CRPPA: variants seen among roughly 807,000 people sequenced by gnomAD.
The protein encoded by CRPPA is D-ribitol-5-phosphate cytidylyltransferase.
In CRPPA, 43 loss-of-function variants were observed where a neutral mutation model predicts 52.0. The observed-to-expected ratio is 0.83, with a 90% CI of 0.65 to 1.07. The LOEUF (loss-of-function observed/expected upper bound fraction) is 1.07, where lower values mean the gene tolerates loss of function less well. Among genes scored for constraint, CRPPA ranks in the 50% least tolerant of loss-of-function variants. CRPPA has a pLI of 0.00. For synonymous variants in CRPPA, 250 were observed against 203.5 expected (o/e 1.23, Z -1.94); for missense variants, 629 against 551.7 (o/e 1.14, Z -1.40).
chr7:16,316,164 T>C (rs781400686), intron 3 of CRPPA, among the ~76,000 whole-genome samples: 24 of 151,958 alleles, frequency 1.6e-4, no homozygotes, highest in Non-Finnish European at 3.5e-4. Context: ...AGGGAGTTGC[T>C]AGGACAGTGG....
At chr7:16,130,313 A>T (rs1259248398) in intron 9 of CRPPA, among the ~76,000 whole-genome samples, 1 of 152,228 alleles carries the variant, frequency 6.6e-6, no homozygotes, top group East Asian at 1.9e-4. Context: ...TAAAGTCTCC[A>T]GAAAATCTTT....
intron 9 of CRPPA, among the ~76,000 whole-genome samples, chr7:16,113,305 C>G (rs542025497): frequency 1.3e-5 from 2 of 151,742 alleles, no homozygotes; most frequent in East Asian, 1.9e-4. Context: ...AAATGGAAAA[C>G]AGAGTAGGAA....
chr7:16,382,718 C>T (rs938507356), intron 2 of CRPPA, among the ~76,000 whole-genome samples: 1 of 151,860 alleles, frequency 6.6e-6, no homozygotes, highest in African/African-American at 2.4e-5. Flanking sequence ...TCTAAACTTC[C>T]CTTCTGGCTT....
intron 6 of CRPPA, chr7:16,266,350 A>G (rs543808926): frequency 3.6e-4 from 55 of 152,184 alleles, no homozygotes; most frequent in African/African-American, 1.3e-3. Context: ...CACTGTTAAA[A>G]CTCATGTTGA....
chr7:16,377,896 A>G (rs1012225620), intron 2 of CRPPA, among the ~76,000 whole-genome samples: 1 of 151,940 alleles, frequency 6.6e-6, no homozygotes, highest in Admixed American at 6.6e-5. Context: ...CATAGTTCCC[A>G]CCCATGCCCC....
At chr7:16,302,894 C>G (rs1784820782) in intron 4 of CRPPA, among the ~76,000 whole-genome samples, 1 of 152,054 alleles carries the variant, frequency 6.6e-6, no homozygotes, top group Non-Finnish European at 1.5e-5. Context: ...GACTACTGAT[C>G]ATGCTAACAG....
In CRPPA at chr7:16,406,237, C is replaced by A; in HGVS notation, c.358G>T (p.Val120Phe). ...QKYQHKRISL[V>F]EAGVTRHRSI... ...CTGTGGCGGGTCACTCCAGCTTCGA[C>A]CAGTGAGATGCGTTTATGCTGATAC... The change falls in exon 2 of 10, where the codon GTC becomes TTC. Residue 120 changes from valine (V) to phenylalanine (F), a missense_variant. Coordinates refer to ENST00000407010, the MANE Select transcript of CRPPA (RefSeq NM_001101426.4). 6.2e-7 allele frequency: 1 copy of A among 1,613,946 alleles called. No individual in the cohort carries two copies. Among genetic ancestry groups the A allele is most frequent in the Non-Finnish European group, 8.5e-7 (1 of 1,179,870 alleles).
At position 16,221,065 on chromosome 7, in the gene CRPPA, C is replaced by T. The variant is rs574238728; in HGVS notation, c.1120-4868G>A. 2.0e-5 allele frequency among the ~76,000 whole-genome samples: 3 copies of T among 152,238 alleles called. No homozygotes were observed. In the East Asian group the frequency reaches 5.8e-4, roughly 29 times the overall value. On this transcript the variant is annotated intron_variant, in intron 8 of 9. Coordinates refer to ENST00000407010, the MANE Select transcript of CRPPA (RefSeq NM_001101426.4). ...AACTATACTACAAGGCTACAGTAACCAAAACAGCATGGTACTGGTACCAAA... is the reference window on the plus strand; with the variant it reads ...AACTATACTACAAGGCTACAGTAACTAAAACAGCATGGTACTGGTACCAAA...
chr7:16,380,734 G>A lies in CRPPA; in HGVS notation c.535-4493C>T, dbSNP rs556751139. Among the ~76,000 whole-genome samples the A allele has an allele frequency of 1.2e-4, 19 of 152,214 alleles. No individual in the cohort carries two copies. The South Asian group carries it at 1.5e-3, about 12-fold the overall frequency. ...TTAGACTTGGGAGGGTGTATGTGTC[G>A]AGGAATTTATCCATTTCTTCTAGAT... On this transcript the variant is annotated intron_variant, in intron 2 of 9. Coordinates refer to ENST00000407010, the MANE Select transcript of CRPPA (RefSeq NM_001101426.4).
chr7:16,342,911 G>A (rs933607635), intron 3 of CRPPA, among the ~76,000 whole-genome samples: 2 of 114,428 alleles, frequency 1.7e-5, no homozygotes, highest in African/African-American at 3.3e-5. Flanking sequence ...ATCGTAGTAC[G>A]TGCCTGTAGT....
intron 3 of CRPPA, among the ~76,000 whole-genome samples, chr7:16,338,620 G>T (rs1018556605): frequency 1.3e-4 from 19 of 151,460 alleles, no homozygotes; most frequent in African/African-American, 4.1e-4. Flanking sequence ...TGATAAAGGA[G>T]AATTATAAAC....
chr7:16,356,563 T>G (rs1408797526), intron 3 of CRPPA, among the ~76,000 whole-genome samples: 1 of 152,212 alleles, frequency 6.6e-6, no homozygotes, highest in African/African-American at 2.4e-5. Context: ...TTTGTTCTCT[T>G]TGAACGCTGC....
intron 8 of CRPPA, among the ~76,000 whole-genome samples, chr7:16,236,726 G>A (rs527557822): frequency 6.6e-6 from 1 of 151,932 alleles, no homozygotes; most frequent in African/African-American, 2.4e-5. Context: ...GTTTTTTTCT[G>A]TTTTTATTTT....
chr7:16,387,822 C>A (rs1416379088), intron 2 of CRPPA, among the ~76,000 whole-genome samples: 1 of 152,106 alleles, frequency 6.6e-6, no homozygotes, highest in African/African-American at 2.4e-5. Context: ...ACATACCACC[C>A]AACAACAGCA....
rs755004331 is a variant in CRPPA at position 16,172,487 on chromosome 7, G to A, written c.1251+43579C>T. 1.3e-5 allele frequency among the ~76,000 whole-genome samples: 2 copies of A among 152,152 alleles called. 1 individual carries two copies. Among genetic ancestry groups the A allele is most frequent in the Non-Finnish European group, 2.9e-5 (2 of 68,034 alleles). Reference sequence around the variant, plus strand: ...CCAATCAGCCAAGAATATGAGCCTTGAAGAGACAACATTTGGTTATATGTC... The same window carrying A: ...CCAATCAGCCAAGAATATGAGCCTTAAAGAGACAACATTTGGTTATATGTC... On this transcript the variant is annotated intron_variant, in intron 9 of 9. Coordinates refer to ENST00000407010, the MANE Select transcript of CRPPA (RefSeq NM_001101426.4).
chr7:16,248,359 C>G (rs1291850013), intron 8 of CRPPA, among the ~76,000 whole-genome samples: 1 of 151,940 alleles, frequency 6.6e-6, no homozygotes, highest in East Asian at 1.9e-4. Flanking sequence ...TATAAGAGAG[C>G]CTATGTGCCT....
chr7:16,268,278 A>T (rs1396041479), intron 6 of CRPPA, among the ~76,000 whole-genome samples: 2 of 152,160 alleles, frequency 1.3e-5, no homozygotes, highest in Non-Finnish European at 2.9e-5. Flanking sequence ...GATAGAAAAT[A>T]AAGAAAATTA....
At chr7:16,335,525 G>A (rs1281135843) in intron 3 of CRPPA, among the ~76,000 whole-genome samples, 1 of 152,152 alleles carries the variant, frequency 6.6e-6, no homozygotes, top group African/African-American at 2.4e-5. Context: ...AGCTTCAACA[G>A]CAGACATGAT....
In CRPPA at chr7:16,191,594, A is replaced by T. The variant is rs566677252; in HGVS notation, c.1251+24472T>A. ...AGTGCTTGCACAGAGTGCGCTTGAT[A>T]CTTATTTGCTAAAAGAATGAACTAG... is the stretch of plus-strand genomic sequence containing the variant. On this transcript the variant is annotated intron_variant, in intron 9 of 9. Coordinates refer to ENST00000407010, the MANE Select transcript of CRPPA (RefSeq NM_001101426.4). Among the ~76,000 whole-genome samples the T allele has an allele frequency of 3.9e-5, 6 of 152,250 alleles. No individual in the cohort carries two copies. The East Asian group carries it at 1.2e-3, about 29-fold the overall frequency.
Sources: allele counts gnomAD v4.1 joint callset (sites outside exome capture counted in the v4.1 genomes callset), GRCh38; gene constraint gnomAD v4.1.1; transcripts MANE v1.5; gene names NCBI Gene and HGNC (gene_info 2026-07-23, HGNC 2026-07-21).